Variants in TMLHE observed in about 807,000 individuals in gnomAD.
TMLHE encodes the protein trimethyllysine dioxygenase, mitochondrial.
In TMLHE, 18 loss-of-function variants were observed where a neutral mutation model predicts 25.7. The ratio of observed to expected loss-of-function variants is 0.70; its 90% CI spans 0.48 to 1.04. The LOEUF (loss-of-function observed/expected upper bound fraction) is 1.04, where lower values mean the gene tolerates loss of function less well. TMLHE is among the 50% of genes least tolerant of loss of function. The pLI is 0.00. For missense variants in TMLHE, 236 were observed against 259.0 expected (o/e 0.91, Z 0.61); for synonymous variants, 105 against 97.0 (o/e 1.08, Z -0.49).
At chrX:155,574,726 A>C (rs1249846552) in intron 1 of TMLHE, among the ~76,000 whole-genome samples, 1 of 111,832 alleles carries the variant, frequency 8.9e-6, no homozygotes, top group Non-Finnish European at 1.9e-5. Context: ...TAGGAGAACA[A>C]TTACTTAGCA....
chrX:155,555,126 G>A (rs781953148), intron 1 of TMLHE, among the ~76,000 whole-genome samples: 58 of 109,881 alleles, frequency 5.3e-4, no homozygotes, highest in Non-Finnish European at 9.1e-4. Context: ...GTGAGAACAT[G>A]CGGTGTTGGT....
intron 5 of TMLHE, among the ~76,000 whole-genome samples, chrX:155,510,714 GTGCA>G (rs2067104439): frequency 9.2e-6 from 1 of 109,058 alleles, no homozygotes; most frequent in Non-Finnish European, 1.9e-5. Context: ...AAACATACGT[GTGCA>G]TGTGTCTTTA....
intron 1 of TMLHE, among the ~76,000 whole-genome samples, chrX:155,551,992 A>G (rs1438309326): frequency 9.1e-6 from 1 of 109,861 alleles, no homozygotes; most frequent in Non-Finnish European, 1.9e-5. Context: ...GCATTTATTG[A>G]TTTGACTGTA....
chrX:155,609,498 A>T (rs1170561144), intron 1 of TMLHE, among the ~76,000 whole-genome samples: 1 of 111,982 alleles, frequency 8.9e-6, no homozygotes, highest in Non-Finnish European at 1.9e-5. Flanking sequence ...CACACAATTT[A>T]TCTATAGAAC....
At chrX:155,592,047 A>G (rs782447251) in intron 1 of TMLHE, among the ~76,000 whole-genome samples, 2 of 112,070 alleles carry the variant, frequency 1.8e-5, no homozygotes, top group Non-Finnish European at 3.8e-5. Context: ...ATTTGCAACA[A>G]CATGGATGAA....
At chrX:155,533,349 AC>A (rs1293132846) in intron 2 of TMLHE, among the ~76,000 whole-genome samples, 1 of 99,958 alleles carries the variant, frequency 1.0e-5, no homozygotes, top group Non-Finnish European at 2.0e-5. Context: ...CTTTACACAC[AC>A]ACATACACAT....
intron 6 of TMLHE, among the ~76,000 whole-genome samples, chrX:155,504,730 T>C (rs2067067006): frequency 9.0e-6 from 1 of 111,534 alleles, no homozygotes; most frequent in Non-Finnish European, 1.9e-5. Context: ...AAAAACACTT[T>C]TACATGAATG....
chrX:155,514,923 C>A (rs782562478), intron 3 of TMLHE, among the ~76,000 whole-genome samples: 2 of 111,805 alleles, frequency 1.8e-5, no homozygotes, highest in South Asian at 7.3e-4. Flanking sequence ...AAAACCAACC[C>A]TGAAATGCTT....
intron 2 of TMLHE, among the ~76,000 whole-genome samples, chrX:155,540,022 G>T (rs1557338012): frequency 9.2e-6 from 1 of 108,307 alleles, no homozygotes; most frequent in Non-Finnish European, 1.9e-5. Context: ...AAAGAATGAA[G>T]AAAAATGAGG....
At chrX:155,534,625 A>G (rs781989729) in intron 2 of TMLHE, among the ~76,000 whole-genome samples, 110 of 111,564 alleles carry the variant, frequency 9.9e-4, no homozygotes, top group Non-Finnish European at 1.7e-3. Flanking sequence ...GTTTCACAGG[A>G]GAAGAAATTT....
chrX:155,514,072 A>G lies in TMLHE; in HGVS notation c.552T>C (p.Phe184=), dbSNP rs1557334311. ...NEGLKKFLQN[F]LLYGIAFVEN... is the part of the protein sequence containing the mutation. ...CTACGAATGCAATTCCATAGAGCAG[A>G]AAGTTTTGCAGAAACTTCTTCAGTC... Residue 184 remains phenylalanine (F), a synonymous_variant, in exon 4 of 8, where the codon TTT becomes TTC. Coordinates refer to ENST00000334398, the MANE Select transcript of TMLHE (RefSeq NM_018196.4). 1.7e-6 allele frequency: 2 copies of G among 1,211,283 alleles called. No individual in the cohort carries two copies. Among genetic ancestry groups the G allele is most frequent in the Admixed American group, 4.4e-5 (2 of 45,952 alleles).
chrX:155,601,920 T>C (rs1219923845), intron 1 of TMLHE, among the ~76,000 whole-genome samples: 2 of 110,167 alleles, frequency 1.8e-5, no homozygotes, highest in Non-Finnish European at 3.8e-5. Context: ...AAATGGACTT[T>C]AAGAAAAAAA....
Position 155,514,101 on chromosome X carries a change from C to T in TMLHE, c.523G>A (p.Glu175Lys), listed in dbSNP as rs2067136066. The change falls in exon 4 of 8, where the codon GAG (glutamate) becomes AAG (lysine). Residue 175 changes from glutamate to lysine, a missense_variant. Transcript: ENST00000334398. ...TTTTGCAGAAACTTCTTCAGTCCCT[C>T]GTTGGTTTCTAAGAAGCTCTGGCAA... Reference protein sequence around the residue: ...VDCQSFLETNEGLKKFLQNFL... With the variant: ...VDCQSFLETNKGLKKFLQNFL... 5 of 1,210,982 alleles carry T rather than the reference C, an allele frequency of 4.1e-6. No individual in the cohort carries two copies. The highest frequency in any genetic ancestry group is 4.6e-4 in the Middle Eastern group (2 of 4,348).
In TMLHE at chrX:155,589,909, A is replaced by T. The variant is rs782493844; in HGVS notation, c.-2+22883T>A. On this transcript the variant is annotated intron_variant, in intron 1 of 7. Coordinates refer to ENST00000334398, the MANE Select transcript of TMLHE (RefSeq NM_018196.4). ...TCATATGCACCCCAAAAATATGTAA[A>T]ATATTTTGTATCGGTAAGAAAAAGA... Among the ~76,000 whole-genome samples, 34 of 112,161 alleles carry T rather than the reference A, an allele frequency of 3.0e-4. No individual in the cohort carries two copies. The South Asian group carries it at 0.012, about 40-fold the overall frequency.
At chrX:155,609,078 C>T (rs2067804106) in intron 1 of TMLHE, among the ~76,000 whole-genome samples, 1 of 111,989 alleles carries the variant, frequency 8.9e-6, no homozygotes. Flanking sequence ...GCCATAAAGA[C>T]ACATGCATGC....
intron 2 of TMLHE, among the ~76,000 whole-genome samples, chrX:155,538,112 C>T (rs782021503): frequency 2.7e-5 from 3 of 111,434 alleles, no homozygotes; most frequent in East Asian, 5.7e-4. Context: ...CTCTGACCAA[C>T]ATGTCTCCAT....
At chrX:155,504,512 A>G (rs2067065325) in intron 6 of TMLHE, among the ~76,000 whole-genome samples, 1 of 106,601 alleles carries the variant, frequency 9.4e-6, no homozygotes, top group Non-Finnish European at 1.9e-5. Flanking sequence ...CTCTGAATTC[A>G]TTGCAAGAGT....
chrX:155,532,473 C>G (rs151207042), intron 2 of TMLHE, among the ~76,000 whole-genome samples: 15 of 111,890 alleles, frequency 1.3e-4, no homozygotes, highest in Non-Finnish European at 2.6e-4. Flanking sequence ...GTCATTTTGT[C>G]TGTGACAGCA....
At position 155,571,715 on chromosome X, in the gene TMLHE, C is replaced by T. The variant is rs1313477681; in HGVS notation, c.-1-26438G>A. On this transcript the variant is annotated intron_variant, in intron 1 of 7. Coordinates refer to ENST00000334398, the MANE Select transcript of TMLHE (RefSeq NM_018196.4). ...CAATAAATGTAATCCAGCATATAAACAGAACCAAAGACAAAAACCACATGA... is the reference window on the plus strand; with the variant it reads ...CAATAAATGTAATCCAGCATATAAATAGAACCAAAGACAAAAACCACATGA... 1.0e-4 allele frequency among the ~76,000 whole-genome samples: 5 copies of T among 47,671 alleles called. 2 individuals carry two copies. Among genetic ancestry groups the T allele is most frequent in the Non-Finnish European group, 2.7e-4 (5 of 18,551 alleles). 41.4% of individuals were successfully genotyped at this position (47,671 alleles called of 115,157 possible). A position where few individuals can be genotyped will look rare whatever the true frequency, so the allele number is the denominator to read the frequency against.
Sources: gnomAD v4.1 joint callset for allele counts (sites outside exome capture counted in the v4.1 genomes callset) on GRCh38, gnomAD v4.1.1 for gene constraint, MANE v1.5 for transcripts, NCBI Gene and HGNC (gene_info 2026-07-23, HGNC 2026-07-21) for gene names.